PON3: variants seen among roughly 807,000 people sequenced by gnomAD.
PON3 encodes paraoxonase 3, also known as serum paraoxonase/lactonase 3.
PON3 carries 37 observed loss-of-function variants against 36.3 expected under a neutral mutation model. That is an observed-to-expected ratio of 1.02 (90% CI 0.78 to 1.34). The LOEUF is 1.34. Among genes scored for constraint, PON3 ranks in the 40% most tolerant of loss-of-function variants. The pLI, the probability that PON3 is intolerant of heterozygous loss-of-function variation, is 0.00. For synonymous variants in PON3, 155 were observed against 154.8 expected (o/e 1.00, Z -0.01); for missense variants, 415 against 426.5 (o/e 0.97, Z 0.24).
intron 5 of PON3, among the ~76,000 whole-genome samples, chr7:95,366,203 C>A (rs1293895437): frequency 6.6e-6 from 1 of 152,148 alleles, no homozygotes; most frequent in Non-Finnish European, 1.5e-5. Flanking sequence ...CCTGTGAGAT[C>A]CTATGCTAAA....
intron 2 of PON3, among the ~76,000 whole-genome samples, chr7:95,394,164 T>G (rs1330668889): frequency 6.6e-6 from 1 of 152,088 alleles, no homozygotes; most frequent in East Asian, 1.9e-4. Context: ...TCCCAAGTGC[T>G]GGGATTACAG....
At chr7:95,394,347 G>C (rs1390132133) in intron 2 of PON3, among the ~76,000 whole-genome samples, 1 of 152,190 alleles carries the variant, frequency 6.6e-6, no homozygotes, top group Non-Finnish European at 1.5e-5. Flanking sequence ...GGAGGAGAGT[G>C]AAATACCACA....
intron 3 of PON3, among the ~76,000 whole-genome samples, chr7:95,384,287 G>T (rs1203513487): frequency 6.6e-6 from 1 of 152,166 alleles, no homozygotes; most frequent in African/African-American, 2.4e-5. Flanking sequence ...TCAGGACATA[G>T]GCATGGGCAA....
At chr7:95,366,803 C>T (rs1372854536) in intron 5 of PON3, among the ~76,000 whole-genome samples, 1 of 152,198 alleles carries the variant, frequency 6.6e-6, no homozygotes, top group African/African-American at 2.4e-5. Context: ...TCTTAGTTTA[C>T]CCATGCCTAT....
chr7:95,363,475 C>G, intron 6 of PON3: 1 of 256,848 alleles, frequency 3.9e-6, no homozygotes, highest in South Asian at 5.2e-5. Context: ...TCTAAGGTAG[C>G]CTTCCCTCTC....
intron 3 of PON3, among the ~76,000 whole-genome samples, chr7:95,374,482 T>TA (rs1808872950): frequency 1.3e-5 from 2 of 152,156 alleles, no homozygotes; most frequent in South Asian, 4.1e-4. Context: ...TTCTTTGGCC[T>TA]AAAAAATTAC....
intron 4 of PON3, among the ~76,000 whole-genome samples, chr7:95,370,817 C>T (rs895692639): frequency 6.6e-6 from 1 of 152,196 alleles, no homozygotes; most frequent in African/African-American, 2.4e-5. Context: ...ATAATTCACA[C>T]ACCACTGAAT....
intron 5 of PON3, 34 bp from the exon 6 acceptor site, chr7:95,364,097 T>C (rs535737303): frequency 1.0e-5 from 16 of 1,532,904 alleles, no homozygotes; most frequent in Non-Finnish European, 1.4e-5. Context: ...AAGAGACCCA[T>C]GAGGTATTTA....
chr7:95,395,360 T>G (rs1249567732), intron 1 of PON3, among the ~76,000 whole-genome samples: 1 of 152,218 alleles, frequency 6.6e-6, no homozygotes, highest in Non-Finnish European at 1.5e-5. Context: ...TAAAGTATAT[T>G]CAGAAAGACT....
chr7:95,385,656 C>T (rs1809173031), intron 3 of PON3, among the ~76,000 whole-genome samples: 1 of 152,078 alleles, frequency 6.6e-6, no homozygotes. Context: ...TAAAATTGAC[C>T]ACATAATTGG....
At chr7:95,388,042 CT>C (rs1254675918) in intron 3 of PON3, among the ~76,000 whole-genome samples, 2 of 151,536 alleles carry the variant, frequency 1.3e-5, no homozygotes, top group Non-Finnish European at 2.9e-5. Context: ...AGAAGAAAAC[CT>C]AGGCAATAAC....
intron 8 of PON3, 71 bp from the exon 9 acceptor site, chr7:95,360,202 A>T (rs1257987723): frequency 1.1e-5 from 15 of 1,362,166 alleles, no homozygotes; most frequent in Non-Finnish European, 1.3e-5. Context: ...CTTCCCAAAC[A>T]TTCTAGGATA....
At chr7:95,375,240 A>G (rs1038129267) in intron 3 of PON3, among the ~76,000 whole-genome samples, 2 of 151,422 alleles carry the variant, frequency 1.3e-5, no homozygotes, top group Admixed American at 6.6e-5. Context: ...TTTAATGTAT[A>G]TATGTATATG....
intron 5 of PON3, among the ~76,000 whole-genome samples, chr7:95,367,059 C>T (rs1443557641): frequency 6.6e-6 from 1 of 152,064 alleles, no homozygotes; most frequent in African/African-American, 2.4e-5. Context: ...AAACAGAGAC[C>T]GATAGTAGGT....
chr7:95,380,919 AATGAAGGAAAAAATGTTAAGGG>A (rs1462667931), intron 3 of PON3, among the ~76,000 whole-genome samples: 1 of 152,338 alleles, frequency 6.6e-6, no homozygotes, highest in Non-Finnish European at 1.5e-5. Context: ...CCAAGGTTGA[AATGAAGGAAAAAATGTTAAGGG>A]CAGCCAGAGA....
At position 95,360,086 on chromosome 7, in the gene PON3, T is replaced by C. The variant is rs748956024; in HGVS notation, c.952A>G (p.Thr318Ala). 140 of 1,613,634 alleles carry C rather than the reference T, an allele frequency of 8.7e-5. No individual in the cohort carries two copies. The highest frequency in any genetic ancestry group is 1.6e-4 in the Middle Eastern group (1 of 6,084). Residue 318 changes from threonine (T) to alanine (A), a missense_variant, in exon 9 of 9, where the codon ACC becomes GCC. By Grantham distance (58) the Thr-to-Ala change is moderately conservative. Coordinates refer to ENST00000265627, the MANE Select transcript of PON3 (RefSeq NM_000940.3). Reference protein sequence around the residue: ...NVLSEKPRVSTVYANNGSVLQ... With the variant: ...NVLSEKPRVSAVYANNGSVLQ... The stretch of plus-strand genomic sequence containing the variant: ...ACAGAGCCATTGTTGGCATACACGG[T>C]GCTCACCCTGGGCTTCTCAGACAAA...
At chr7:95,382,424 T>C (rs1420902883) in intron 3 of PON3, among the ~76,000 whole-genome samples, 1 of 151,998 alleles carries the variant, frequency 6.6e-6, no homozygotes, top group Non-Finnish European at 1.5e-5. Context: ...GCTGGTATTT[T>C]GAAAAGATCA....
At chr7:95,375,683 C>T (rs1182324531) in intron 3 of PON3, among the ~76,000 whole-genome samples, 2 of 152,204 alleles carry the variant, frequency 1.3e-5, no homozygotes, top group East Asian at 3.8e-4. Context: ...GGGCAGGGCA[C>T]TGCAAACAAG....
At chr7:95,396,118 A>C (rs1809425971) in intron 1 of PON3, 159 bp downstream of exon 1, 2 of 773,764 alleles carry the variant, frequency 2.6e-6, no homozygotes, top group Non-Finnish European at 4.6e-6. Context: ...CTTTCCCCAT[A>C]AGCGAGTCTC....
Sources: allele counts gnomAD v4.1 joint callset (sites outside exome capture counted in the v4.1 genomes callset), GRCh38; gene constraint gnomAD v4.1.1; transcripts MANE v1.5; gene names NCBI Gene and HGNC (gene_info 2026-07-23, HGNC 2026-07-21).